Variants in TNFRSF8 observed in about 807,000 individuals in gnomAD.
TNFRSF8 encodes tumor necrosis factor receptor superfamily member 8.
TNFRSF8 carries 26 observed loss-of-function variants against 70.8 expected under a neutral mutation model. The observed-to-expected ratio is 0.37, with a 90% CI of 0.27 to 0.51. The LOEUF is 0.51. Among genes scored for constraint, TNFRSF8 ranks in the 20% least tolerant of loss-of-function variants. TNFRSF8 has a pLI of 0.94. For synonymous variants in TNFRSF8, 356 were observed against 339.2 expected, an observed-to-expected ratio of 1.05 and a Z score of -0.54; for missense variants, 720 against 807.9, an observed-to-expected ratio of 0.89 and a Z score of 1.32.
At position 12,142,818 on chromosome 1, in the gene TNFRSF8, G is replaced by A. The variant is rs549711174; in HGVS notation, c.*287G>A. On this transcript the variant is annotated 3_prime_UTR_variant, in exon 15 of 15. Transcript: ENST00000263932. This position sits in a 1 kb window ranked among gnomAD's most constrained non-coding sequence, Gnocchi z 5.0. ...TGTTGGTTGAGGCAGCAAACAGATG[G>A]CAGGATGGGCACTGCCGAGAACAGC... 20 of 400,602 alleles carry A rather than the reference G, an allele frequency of 5.0e-5. No individual in the cohort carries two copies. Among genetic ancestry groups the A allele is most frequent in the African/African-American group, 3.8e-4 (19 of 49,868 alleles). The allele number at this position is 400,602 out of a possible 1,614,324, so 24.8% of individuals were successfully genotyped here.
At chr1:12,133,780 A>G (rs945259109) in intron 12 of TNFRSF8, among the ~76,000 whole-genome samples, 46 of 143,534 alleles carry the variant, frequency 3.2e-4, no homozygotes, top group African/African-American at 1.1e-3. Flanking sequence ...TGGCCGGGCA[A>G]GGTGGCTCAT....
At chr1:12,128,859 G>C (rs1425691736) in intron 12 of TNFRSF8, among the ~76,000 whole-genome samples, 1 of 109,540 alleles carries the variant, frequency 9.1e-6, no homozygotes, top group Non-Finnish European at 1.8e-5. Flanking sequence ...TTTTGAGACA[G>C]AGTCTCGCTC....
At chr1:12,086,995 A>G (rs1641162863) in intron 2 of TNFRSF8, among the ~76,000 whole-genome samples, 1 of 150,896 alleles carries the variant, frequency 6.6e-6, no homozygotes, top group Non-Finnish European at 1.5e-5. Flanking sequence ...GCCTTCCCAT[A>G]TCCCTCCAAT....
rs1641866830 is a variant in TNFRSF8, at chr1:12,123,288, G to A, written c.951G>A (p.Met317Ile). 6.2e-7 allele frequency: 1 copy of A among 1,612,114 alleles called. No individual in the cohort carries two copies. The highest frequency in any genetic ancestry group is 1.3e-5 in the African/African-American group (1 of 74,888). ...AAETVTKPQD[M>I]AEKDTTFEAP... Reference sequence around the variant, plus strand: ...GATGTTACGTCCCCTCTGCAGATATGGCTGAGAAGGACACCACCTTTGAGG... The same window carrying A: ...GATGTTACGTCCCCTCTGCAGATATAGCTGAGAAGGACACCACCTTTGAGG... The change falls in exon 9 of 15, where the codon ATG (methionine) becomes ATA (isoleucine). Residue 317 changes from methionine (M) to isoleucine (I), a missense_variant. By Grantham distance (10) the Met-to-Ile change is conservative. Coordinates refer to ENST00000263932, the MANE Select transcript of TNFRSF8 (RefSeq NM_001243.5).
In TNFRSF8 at chr1:12,099,890, C is replaced by T. The variant is rs113480212; in HGVS notation, c.268+2673C>T. On this transcript the variant is annotated intron_variant, in intron 3 of 14. Coordinates refer to ENST00000263932, the MANE Select transcript of TNFRSF8 (RefSeq NM_001243.5). ...GGTGCAATAAAAATACGACATAGGC[C>T]GGGCACAGTGACTCACACCTGTAAT... Among the ~76,000 whole-genome samples, 9 of 152,164 alleles carry T rather than the reference C, an allele frequency of 5.9e-5. 1 individual carries two copies. The highest frequency in any genetic ancestry group is 1.4e-4 in the African/African-American group (6 of 41,498).
rs990667947 is a variant in TNFRSF8, at chr1:12,113,731, CAGAG to C, written c.793+1721_793+1724del. On this transcript the variant is annotated intron_variant, in intron 7 of 14. Coordinates refer to ENST00000263932, the MANE Select transcript of TNFRSF8 (RefSeq NM_001243.5). The surrounding 1 kb of genome is among the most constrained non-coding windows in gnomAD (Gnocchi z 4.9). ...AGAGAGAGACAGAGATAGAGTGTGACAGAGAGAAAGACAGAGAAAGAGAGAGAGA... is the reference window on the plus strand; with the variant it reads ...AGAGAGAGACAGAGATAGAGTGTGACAGAAAGACAGAGAAAGAGAGAGAGA... Among the ~76,000 whole-genome samples, 1 of 149,168 alleles carries C rather than the reference CAGAG, an allele frequency of 6.7e-6. No individual in the cohort carries two copies. The highest frequency in any genetic ancestry group is 2.5e-5 in the African/African-American group (1 of 40,310).
Position 12,125,983 on chromosome 1 carries a change from G to C in TNFRSF8, c.1186G>C (p.Val396Leu). 1 of 1,613,834 alleles carries C rather than the reference G, an allele frequency of 6.2e-7. No homozygotes were observed. The highest frequency in any genetic ancestry group is 8.5e-7 in the Non-Finnish European group (1 of 1,179,932). Residue 396 changes from valine (V) to leucine (L), a missense_variant, in exon 11 of 15, where the codon GTT becomes CTT. Coordinates refer to ENST00000263932, the MANE Select transcript of TNFRSF8 (RefSeq NM_001243.5). Reference protein sequence around the residue: ...PVLFWVILVLVVVVGSSAFLL... With the variant: ...PVLFWVILVLLVVVGSSAFLL... ...GCTCTTCTGGGTGATCCTGGTGTTG[G>C]TTGTGGTGGTCGGCTCCAGCGCCTT... is the stretch of plus-strand genomic sequence containing the variant.
intron 3 of TNFRSF8, among the ~76,000 whole-genome samples, chr1:12,097,868 C>T (rs907024380): frequency 2.0e-5 from 3 of 152,010 alleles, no homozygotes; most frequent in African/African-American, 7.3e-5. Flanking sequence ...CTGTTTGTTG[C>T]GTATAAAGTT....
At chr1:12,129,024 G>A (rs978017058) in intron 12 of TNFRSF8, among the ~76,000 whole-genome samples, 4 of 151,160 alleles carry the variant, frequency 2.6e-5, no homozygotes, top group Admixed American at 6.6e-5. Flanking sequence ...TAGTAGAGAC[G>A]GGGTTTCACC....
chr1:12,064,871 A>G (rs944234693), intron 1 of TNFRSF8, among the ~76,000 whole-genome samples: 2 of 152,044 alleles, frequency 1.3e-5, no homozygotes, highest in African/African-American at 4.8e-5. Context: ...TGGAGTGCCA[A>G]GGTCTTGGGG....
At chr1:12,139,195 C>T (rs1409912221) in intron 14 of TNFRSF8, among the ~76,000 whole-genome samples, 1 of 152,168 alleles carries the variant, frequency 6.6e-6, no homozygotes, top group Non-Finnish European at 1.5e-5. Flanking sequence ...GCTTCCCATT[C>T]CCTATGGGAT....
In TNFRSF8 at chr1:12,135,598, C is replaced by T; in HGVS notation, c.1320C>T (p.Pro440=). 1 of 1,614,144 alleles carries T rather than the reference C, an allele frequency of 6.2e-7. No individual in the cohort carries two copies. The highest frequency in any genetic ancestry group is 8.5e-7 in the Non-Finnish European group (1 of 1,180,026). The change falls in exon 13 of 15, where the codon CCC becomes CCT. Residue 440 remains proline (P), a synonymous_variant. Coordinates refer to ENST00000263932, the MANE Select transcript of TNFRSF8 (RefSeq NM_001243.5). ...TCTTGCTTTTTGCAGATTCCAGACC[C>T]AGGAGGAGCTCAACGGTAAGTACCC... is the stretch of plus-strand genomic sequence containing the variant. ...QPKLELVDSR[P]RRSSTQLRSG...
intron 7 of TNFRSF8, among the ~76,000 whole-genome samples, chr1:12,114,147 G>A (rs796747594): frequency 6.6e-6 from 1 of 152,190 alleles, no homozygotes; most frequent in African/African-American, 2.4e-5. Flanking sequence ...TTCAGATCCC[G>A]CCTCTCCCAC....
intron 2 of TNFRSF8, among the ~76,000 whole-genome samples, chr1:12,091,358 TC>T (rs1259614406): frequency 1.3e-5 from 2 of 152,180 alleles, no homozygotes; most frequent in Non-Finnish European, 2.9e-5. Flanking sequence ...TGGGGCTTAA[TC>T]CCTCTGGGGG....
At chr1:12,135,136 A>G (rs1194275499) in intron 12 of TNFRSF8, among the ~76,000 whole-genome samples, 1 of 151,914 alleles carries the variant, frequency 6.6e-6, no homozygotes, top group Admixed American at 6.6e-5. Flanking sequence ...CAACGTGGTG[A>G]AACCCCGTCT....
At chr1:12,098,148 T>C (rs1217036935) in intron 3 of TNFRSF8, among the ~76,000 whole-genome samples, 1 of 152,210 alleles carries the variant, frequency 6.6e-6, no homozygotes, top group East Asian at 1.9e-4. Context: ...CCATTCCTTG[T>C]AATGCCTTTT....
intron 1 of TNFRSF8, among the ~76,000 whole-genome samples, chr1:12,074,579 C>CAGT (rs1285950698): frequency 6.6e-6 from 1 of 152,110 alleles, no homozygotes; most frequent in Non-Finnish European, 1.5e-5. Context: ...CAGGCCCGGC[C>CAGT]TCAAACTCAC....
chr1:12,129,320 C>T (rs923760957), intron 12 of TNFRSF8, among the ~76,000 whole-genome samples: 1 of 152,192 alleles, frequency 6.6e-6, no homozygotes, highest in African/African-American at 2.4e-5. Flanking sequence ...GGATGTCTCT[C>T]ACCCCGAAAA....
At chr1:12,075,875 A>T (rs1298609375) in intron 1 of TNFRSF8, among the ~76,000 whole-genome samples, 1 of 152,120 alleles carries the variant, frequency 6.6e-6, no homozygotes, top group Non-Finnish European at 1.5e-5. Context: ...AACCAGAAAC[A>T]TTCCAACACC....
Sources: gnomAD v4.1 joint callset for allele counts (sites outside exome capture counted in the v4.1 genomes callset) on GRCh38, gnomAD v4.1.1 for gene constraint, Gnocchi (gnomAD v3.1) non-coding constraint, MANE v1.5 for transcripts, NCBI Gene and HGNC (gene_info 2026-07-23, HGNC 2026-07-21) for gene names.